FSIP2: variants seen among roughly 807,000 people sequenced by gnomAD.
The protein encoded by FSIP2 is fibrous sheath-interacting protein 2.
In FSIP2, 367 loss-of-function variants were observed where a neutral mutation model predicts 510.5. That is an observed-to-expected ratio of 0.72 (90% CI 0.66 to 0.78). The LOEUF (loss-of-function observed/expected upper bound fraction) is 0.78, where lower values mean the gene tolerates loss of function less well. FSIP2 is among the 30% of genes least tolerant of loss of function. The pLI, the probability that FSIP2 is intolerant of heterozygous loss-of-function variation, is 0.00. For synonymous variants in FSIP2, 2,601 were observed against 2,732.2 expected, an observed-to-expected ratio of 0.95 and a Z score of 1.50; for missense variants, 7,594 against 7,901.7, an observed-to-expected ratio of 0.96 and a Z score of 1.48.
At position 185,804,591 on chromosome 2, in the gene FSIP2, G is replaced by C. The variant is rs980568829; in HGVS notation, c.15285G>C (p.Val5095=). ...AAGCTGATAATATCATCAGAAATGTGCTTAACATAATCACAAAGGATAGCC... is the reference window on the plus strand; with the variant it reads ...AAGCTGATAATATCATCAGAAATGTCCTTAACATAATCACAAAGGATAGCC... ...YPQADNIIRN[V]LNIITKDSHA... The change falls in exon 17 of 23, where the codon GTG becomes GTC. Residue 5095 remains valine (V), a synonymous_variant. Coordinates refer to ENST00000424728, the MANE Select transcript of FSIP2 (RefSeq NM_173651.4). 16 of 1,532,982 alleles carry C rather than the reference G, an allele frequency of 1.0e-5. No homozygotes were observed. The African/African-American group carries it at 2.1e-4, about 20-fold the overall frequency. The allele number at this position is 1,532,982 out of a possible 1,614,324, so 95.0% of individuals were successfully genotyped here. A position where few individuals can be genotyped will look rare whatever the true frequency, so the allele number is the denominator to read the frequency against.
At chr2:185,744,289 A>T in intron 3 of FSIP2, 33 bp from the exon 4 acceptor site, 2 of 468,006 alleles carry the variant, frequency 4.3e-6, no homozygotes, top group Non-Finnish European at 6.7e-6. Context: ...AAACATTTTT[A>T]AAATATCCAT....
intron 7 of FSIP2, among the ~76,000 whole-genome samples, chr2:185,751,459 T>TTC (rs1553493277): frequency 4.1e-4 from 26 of 64,110 alleles, no homozygotes; most frequent in African/African-American, 5.5e-4. Flanking sequence ...GTCTTTATTT[T>TTC]TCTGTGTGTG....
chr2:185,796,567 G>C lies in FSIP2; in HGVS notation c.9431G>C (p.Ser3144Thr). The change falls in exon 16 of 23, where the codon AGT (serine) becomes ACT (threonine). Residue 3144 changes from serine to threonine, a missense_variant. Coordinates refer to ENST00000424728, the MANE Select transcript of FSIP2 (RefSeq NM_173651.4). ...TTGATACAAAACCTTTCAAGAGAAA[G>C]TTTGTTCCAAGGAGCTGAAAATGCC... ...ESLIQNLSRESLFQGAENAYT... is the reference protein window; with the variant it reads ...ESLIQNLSRETLFQGAENAYT... 1 of 1,535,016 alleles carries C rather than the reference G, an allele frequency of 6.5e-7. No individual in the cohort carries two copies. The highest frequency in any genetic ancestry group is 8.7e-7 in the Non-Finnish European group (1 of 1,146,198).
rs1453220441 is a variant in FSIP2 at position 185,796,655 on chromosome 2, A to G, written c.9519A>G (p.Glu3173=). 2.0e-6 allele frequency: 3 copies of G among 1,535,116 alleles called. No individual in the cohort carries two copies. The highest frequency in any genetic ancestry group is 2.4e-5 in the South Asian group (2 of 84,046). The part of the protein sequence containing the change: ...NMKMFTSKLK[E]GSLGINPSQV... ...AAATGTTCACATCAAAGTTAAAGGA[A>G]GGTAGTTTGGGGATTAATCCTTCAC... The change falls in exon 16 of 23, where the codon GAA becomes GAG. Residue 3173 remains glutamate, a synonymous_variant. Transcript: ENST00000424728.
At chr2:185,809,653 A>G (rs1210965415) in intron 17 of FSIP2, among the ~76,000 whole-genome samples, 1 of 152,020 alleles carries the variant, frequency 6.6e-6, no homozygotes, top group Admixed American at 6.6e-5. Context: ...CAACTCTTAG[A>G]TTACATTTGT....
At chr2:185,798,028 AAAAT>A (rs1297631529) in intron 16 of FSIP2, among the ~76,000 whole-genome samples, 7 of 151,896 alleles carry the variant, frequency 4.6e-5, no homozygotes, top group Admixed American at 1.3e-4. Flanking sequence ...CAAAAAAATA[AAAAT>A]AAATAAATGT....
At position 185,807,674 on chromosome 2, in the gene FSIP2, G is replaced by A. The variant is rs758560837; in HGVS notation, c.18368G>A (p.Arg6123Gln). ...GAAAACATAGTTGACTTGGTTCTACGAGAAGTGGCTAGCAATCAGCTGCAG... is the reference window on the plus strand; with the variant it reads ...GAAAACATAGTTGACTTGGTTCTACAAGAAGTGGCTAGCAATCAGCTGCAG... ...LSENIVDLVL[R>Q]EVASNQLQSY... Residue 6123 changes from arginine to glutamine, a missense_variant, in exon 17 of 23, where the codon CGA becomes CAA. By Grantham distance (43) the Arg-to-Gln change is conservative. Transcript: ENST00000424728. 1.2e-5 allele frequency: 19 copies of A among 1,612,838 alleles called. No individual in the cohort carries two copies. The highest frequency in any genetic ancestry group is 1.3e-5 in the Non-Finnish European group (15 of 1,179,228).
In FSIP2 at chr2:185,808,982, T is replaced by TG; in HGVS notation, c.19677dup (p.Lys6560GlufsTer6). 1 of 1,612,486 alleles carries TG rather than the reference T, an allele frequency of 6.2e-7. No homozygotes were observed. The highest frequency in any genetic ancestry group is 8.5e-7 in the Non-Finnish European group (1 of 1,179,396). Reference sequence around the variant, plus strand: ...CTTGAGAAACTTAAGCAGGAGTGTTTGAAAAGAACTGGACATAGCATAGCA... The same window carrying TG: ...CTTGAGAAACTTAAGCAGGAGTGTTTGGAAAAGAACTGGACATAGCATAGCA... On this transcript the variant is annotated frameshift_variant, in exon 17 of 23. Coordinates refer to ENST00000424728, the MANE Select transcript of FSIP2 (RefSeq NM_173651.4). LOFTEE classifies it high-confidence loss of function.
Position 185,794,183 on chromosome 2 carries a change from G to T in FSIP2, c.7047G>T (p.Lys2349Asn), listed in dbSNP as rs1235746385. ...TTCACCTATCGCAAGCTAGGCTTAAGACATATGCTGACGTCATTGCCAGTG... is the reference window on the plus strand; with the variant it reads ...TTCACCTATCGCAAGCTAGGCTTAATACATATGCTGACGTCATTGCCAGTG... ...STIHLSQARL[K>N]TYADVIASAI... is the part of the protein sequence containing the mutation. The change falls in exon 16 of 23, where the codon AAG (lysine) becomes AAT (asparagine). Residue 2349 changes from lysine (K) to asparagine (N), a missense_variant. By Grantham distance (94) the Lys-to-Asn change is moderately conservative. Transcript: ENST00000424728. 1.3e-6 allele frequency: 2 copies of T among 1,534,530 alleles called. No individual in the cohort carries two copies. Among genetic ancestry groups the T allele is most frequent in the African/African-American group, 2.7e-5 (2 of 72,882 alleles).
chr2:185,821,648 G>A (rs561109983), intron 19 of FSIP2, among the ~76,000 whole-genome samples: 1 of 151,890 alleles, frequency 6.6e-6, no homozygotes, highest in Admixed American at 6.6e-5. Flanking sequence ...AATAGGCCAG[G>A]CACAGTGACT....
In FSIP2 at chr2:185,795,789, T is replaced by C. The variant is rs1158790407; in HGVS notation, c.8653T>C (p.Leu2885=). Residue 2885 remains leucine, a synonymous_variant, in exon 16 of 23, where the codon TTG becomes CTG. Transcript: ENST00000424728. ...AGAATATTCTCTTTCACTTTTAAAT[T>C]TGCCCCCTCTTGAGAATTGTGAAAG... ...ELEYSLSLLN[L]PPLENCESRF... The C allele has an allele frequency of 1.3e-6, 2 of 1,533,502 alleles. No homozygotes were observed. Among genetic ancestry groups the C allele is most frequent in the East Asian group, 2.4e-5 (1 of 40,828 alleles). 95.0% of individuals were successfully genotyped at this position (1,533,502 alleles called of 1,614,324 possible). A position where few individuals can be genotyped will look rare whatever the true frequency, so the allele number is the denominator to read the frequency against.
chr2:185,813,910 A>G lies in FSIP2; in HGVS notation c.20193A>G (p.Glu6731=). The change falls in exon 18 of 23, where the codon GAA becomes GAG. Residue 6731 remains glutamate (E), a synonymous_variant. Coordinates refer to ENST00000424728, the MANE Select transcript of FSIP2 (RefSeq NM_173651.4). ...CCAGTGCAAATATTGAAAGTACTGA[A>G]GCAATCTCAAATCAGGTAATAGAAT... ...TTASANIEST[E]AISNQVIESK... 1 of 1,613,750 alleles carries G rather than the reference A, an allele frequency of 6.2e-7. No homozygotes were observed. The highest frequency in any genetic ancestry group is 8.5e-7 in the Non-Finnish European group (1 of 1,179,782).
intron 5 of FSIP2, among the ~76,000 whole-genome samples, chr2:185,746,290 T>G (rs932254184): frequency 3.1e-5 from 1 of 32,268 alleles, no homozygotes; most frequent in Admixed American, 2.5e-4. Flanking sequence ...AATGGACTGT[T>G]TTTTTTTTTC....
rs571455553 is a variant in FSIP2, at chr2:185,779,919, A to T, written c.1412-2786A>T. Among the ~76,000 whole-genome samples, 4 of 149,494 alleles carry T rather than the reference A, an allele frequency of 2.7e-5. No homozygotes were observed. The South Asian group carries it at 8.4e-4, about 31-fold the overall frequency. On this transcript the variant is annotated intron_variant, in intron 13 of 22. Coordinates refer to ENST00000424728, the MANE Select transcript of FSIP2 (RefSeq NM_173651.4). ...ATGTCCAAGGGTATGAGTAAGTTTC[A>T]GGGGACAGTTTTTTTTTTTTTCTTA... is the stretch of plus-strand genomic sequence containing the variant.
rs1430805428 is a variant in FSIP2 at position 185,803,465 on chromosome 2, T to C, written c.14159T>C (p.Leu4720Pro). Residue 4720 changes from leucine to proline, a missense_variant, in exon 17 of 23, where the codon CTA (leucine) becomes CCA (proline). Transcript: ENST00000424728. ...EMEVVPNKDF[L>P]NDTKTLAARI... ...GAAGTCGTGCCCAATAAAGATTTTCTAAATGACACAAAGACATTGGCTGCA... is the reference window on the plus strand; with the variant it reads ...GAAGTCGTGCCCAATAAAGATTTTCCAAATGACACAAAGACATTGGCTGCA... 3.3e-6 allele frequency: 5 copies of C among 1,528,820 alleles called. No homozygotes were observed. The Admixed American group carries it at 8.0e-5, about 24-fold the overall frequency. 94.7% of individuals were successfully genotyped at this position (1,528,820 alleles called of 1,614,324 possible). A position where few individuals can be genotyped will look rare whatever the true frequency, so the allele number is the denominator to read the frequency against.
In FSIP2 at chr2:185,791,877, G is replaced by A; in HGVS notation, c.4741G>A (p.Val1581Ile). The change falls in exon 16 of 23, where the codon GTA (valine) becomes ATA (isoleucine). Residue 1581 changes from valine (V) to isoleucine (I), a missense_variant. Val to Ile is a conservative substitution (Grantham distance 29). Coordinates refer to ENST00000424728, the MANE Select transcript of FSIP2 (RefSeq NM_173651.4). Reference protein sequence around the residue: ...KEMHPNKLKAVASDILNMVFA... With the variant: ...KEMHPNKLKAIASDILNMVFA... ...AATGCATCCAAATAAACTAAAAGCT[G>A]TAGCTTCAGATATTCTTAATATGGT... The A allele has an allele frequency of 6.5e-7, 1 of 1,533,944 alleles. No individual in the cohort carries two copies. The highest frequency in any genetic ancestry group is 8.7e-7 in the Non-Finnish European group (1 of 1,145,472).
At chr2:185,784,363 T>C (rs1441305327) in intron 14 of FSIP2, among the ~76,000 whole-genome samples, 2 of 152,104 alleles carry the variant, frequency 1.3e-5, no homozygotes, top group African/African-American at 4.8e-5. Flanking sequence ...AGTTTATTTA[T>C]TGGGTAATAG....
chr2:185,756,149 A>T (rs1692242083), intron 8 of FSIP2, 43 bp from the exon 9 acceptor site: 1 of 784,240 alleles, frequency 1.3e-6, no homozygotes, highest in African/African-American at 1.8e-5. Flanking sequence ...TAATTCTGTC[A>T]TCATCATAAG....
In FSIP2 at chr2:185,795,971, A is replaced by G; in HGVS notation, c.8835A>G (p.Leu2945=). The G allele has an allele frequency of 7.2e-6, 11 of 1,534,838 alleles. No individual in the cohort carries two copies. Among genetic ancestry groups the G allele is most frequent in the Non-Finnish European group, 9.6e-6 (11 of 1,146,058 alleles). The part of the protein sequence containing the change: ...QIPTPDSEET[L]SNSKEHITAK... Reference sequence around the variant, plus strand: ...CCACTCCAGATAGTGAAGAAACTCTATCAAACAGTAAAGAACACATTACTG... The same window carrying G: ...CCACTCCAGATAGTGAAGAAACTCTGTCAAACAGTAAAGAACACATTACTG... Residue 2945 remains leucine, a synonymous_variant, in exon 16 of 23, where the codon CTA becomes CTG. Coordinates refer to ENST00000424728, the MANE Select transcript of FSIP2 (RefSeq NM_173651.4).
Sources: gnomAD v4.1 joint callset for allele counts (sites outside exome capture counted in the v4.1 genomes callset) on GRCh38, gnomAD v4.1.1 for gene constraint, MANE v1.5 for transcripts, NCBI Gene and HGNC (gene_info 2026-07-23, HGNC 2026-07-21) for gene names.